The following EHBP1 variants were observed in gnomAD, a reference collection of about 807,000 sequenced individuals.
EHBP1 encodes the protein EH domain binding protein 1, also known as EH domain-binding protein 1.
EHBP1 carries 55 observed loss-of-function variants against 144.0 expected under a neutral mutation model. The ratio of observed to expected loss-of-function variants is 0.38; its 90% CI spans 0.31 to 0.48. The LOEUF (loss-of-function observed/expected upper bound fraction) is 0.48. Ranked by LOEUF, EHBP1 falls within the 20% of genes least tolerant of loss-of-function variation. The pLI is 0.98. For synonymous variants in EHBP1, 469 were observed against 472.7 expected (o/e 0.99, Z 0.10); for missense variants, 1,200 against 1,364.2 (o/e 0.88, Z 1.90).
At chr2:62,744,839 C>A (rs1470981744) in intron 2 of EHBP1, among the ~76,000 whole-genome samples, 2 of 152,006 alleles carry the variant, frequency 1.3e-5, no homozygotes, top group African/African-American at 4.8e-5. Flanking sequence ...GACACACTCT[C>A]ATTGCCATCA....
rs13397638 is a variant in EHBP1, at chr2:62,850,198, C to T, written c.635-8971C>T. On this transcript the variant is annotated intron_variant, in intron 7 of 22. Transcript: ENST00000431489. Reference sequence around the variant, plus strand: ...TCTCTGCCAGAAAGTTGAAGAGTTACTATTTTAGACCATCTTAAAATAAGA... The same window carrying T: ...TCTCTGCCAGAAAGTTGAAGAGTTATTATTTTAGACCATCTTAAAATAAGA... 7.0e-4 allele frequency among the ~76,000 whole-genome samples: 107 copies of T among 152,284 alleles called. No individual in the cohort carries two copies. The Middle Eastern group carries it at 0.01, about 15-fold the overall frequency.
chr2:63,013,644 G>A (rs1360542724), intron 19 of EHBP1, among the ~76,000 whole-genome samples: 1 of 152,162 alleles, frequency 6.6e-6, no homozygotes, highest in East Asian at 1.9e-4. Context: ...AGCTTGCTCT[G>A]ATCTTTACTC....
chr2:62,674,156 C>A (rs958785880), intron 1 of EHBP1: 1 of 470,880 alleles, frequency 2.1e-6, no homozygotes, highest in African/African-American at 2.0e-5. Context: ...TTCTTTGGAT[C>A]TTACTAGCAA....
intron 5 of EHBP1, among the ~76,000 whole-genome samples, chr2:62,790,547 A>G (rs1558674875): frequency 6.6e-6 from 1 of 152,200 alleles, no homozygotes; most frequent in Non-Finnish European, 1.5e-5. Context: ...ATTATGTATT[A>G]TTAAAAGAAA....
chr2:62,808,096 G>A (rs1250595031), intron 5 of EHBP1, among the ~76,000 whole-genome samples: 1 of 151,236 alleles, frequency 6.6e-6, no homozygotes, highest in Non-Finnish European at 1.5e-5. Context: ...ATGCCTAGGT[G>A]TAGGTTTTTT....
chr2:62,844,577 G>A (rs904426869), intron 7 of EHBP1, among the ~76,000 whole-genome samples: 1 of 152,112 alleles, frequency 6.6e-6, no homozygotes, highest in Admixed American at 6.6e-5. Flanking sequence ...CACAGTGCTT[G>A]AGCCAGTATT....
chr2:62,677,550 G>T lies in EHBP1; in HGVS notation c.-296+3467G>T, dbSNP rs555507059. ...AAATGTACAGTTATTTTTTACTATA[G>T]TCACACTGTTATGTTAACAAATACT... On this transcript the variant is annotated intron_variant, in intron 1 of 22. Transcript: ENST00000405015. 2.6e-5 allele frequency among the ~76,000 whole-genome samples: 4 copies of T among 151,822 alleles called. No homozygotes were observed. In the South Asian group the frequency reaches 8.3e-4, roughly 32 times the overall value.
chr2:62,908,355 C>T (rs1574005890), intron 10 of EHBP1, among the ~76,000 whole-genome samples: 2 of 152,110 alleles, frequency 1.3e-5, no homozygotes, highest in East Asian at 3.9e-4. Context: ...TACCCCTAAT[C>T]AGTCTGGCTC....
intron 10 of EHBP1, among the ~76,000 whole-genome samples, chr2:62,876,723 G>C (rs1017732529): frequency 8.5e-5 from 13 of 152,150 alleles, no homozygotes; most frequent in Non-Finnish European, 1.9e-4. Flanking sequence ...CATCTTACAT[G>C]GTGGGAGCAG....
chr2:62,787,704 A>G (rs2042910904), intron 5 of EHBP1, among the ~76,000 whole-genome samples: 1 of 152,200 alleles, frequency 6.6e-6, no homozygotes, highest in African/African-American at 2.4e-5. Flanking sequence ...AGATGAAAAA[A>G]GGAAGAATAA....
At chr2:62,815,558 TTAAAC>T (rs1226938717) in intron 5 of EHBP1, among the ~76,000 whole-genome samples, 3 of 152,220 alleles carry the variant, frequency 2.0e-5, no homozygotes, top group African/African-American at 4.8e-5. Flanking sequence ...TACTTGAGCT[TTAAAC>T]TAAAGTAGCC....
chr2:62,902,543 A>G (rs372813451), intron 10 of EHBP1, among the ~76,000 whole-genome samples: 1 of 152,166 alleles, frequency 6.6e-6, no homozygotes, highest in African/African-American at 2.4e-5. Flanking sequence ...TGCATTTTCA[A>G]AAATATGGAT....
chr2:62,731,194 A>C (rs192564546), intron 2 of EHBP1, among the ~76,000 whole-genome samples: 1 of 151,642 alleles, frequency 6.6e-6, no homozygotes, highest in Admixed American at 6.6e-5. Context: ...TTAAATTCCA[A>C]TTCCAATTGG....
At chr2:62,885,398 A>T (rs907762092) in intron 10 of EHBP1, among the ~76,000 whole-genome samples, 25 of 152,284 alleles carry the variant, frequency 1.6e-4, no homozygotes, top group Middle Eastern at 3.4e-3. Flanking sequence ...CAATATTTTT[A>T]AAAAAACAGC....
intron 14 of EHBP1, among the ~76,000 whole-genome samples, chr2:62,968,952 A>G (rs2058368776): frequency 6.6e-6 from 1 of 152,218 alleles, no homozygotes; most frequent in African/African-American, 2.4e-5. Flanking sequence ...AAGAGCAGCC[A>G]GACAACCAGC....
At chr2:62,860,352 A>AGGCG (rs1416556006) in intron 8 of EHBP1, among the ~76,000 whole-genome samples, 2 of 152,120 alleles carry the variant, frequency 1.3e-5, no homozygotes, top group Admixed American at 1.3e-4. Flanking sequence ...TTAGCTGAGC[A>AGGCG]TGGTGGTGCA....
chr2:63,007,233 A>G (rs1274656119), intron 19 of EHBP1, among the ~76,000 whole-genome samples: 1 of 151,858 alleles, frequency 6.6e-6, no homozygotes, highest in Non-Finnish European at 1.5e-5. Flanking sequence ...TTAGAGTATA[A>G]TACCCTTCTG....
At chr2:62,894,923 A>AGAGAGAGAGAG (rs1558871653) in intron 10 of EHBP1, among the ~76,000 whole-genome samples, 1 of 53,142 alleles carries the variant, frequency 1.9e-5, no homozygotes, top group Non-Finnish European at 3.9e-5. Context: ...CAAAAACAGA[A>AGAGAGAGAGAG]AGAAAGAGAG....
At chr2:63,036,936 A>G (rs2061462335) in intron 19 of EHBP1, among the ~76,000 whole-genome samples, 1 of 151,694 alleles carries the variant, frequency 6.6e-6, no homozygotes, top group Non-Finnish European at 1.5e-5. Flanking sequence ...ATGTTCATTA[A>G]ATTTTTTTTT....
Sources: gnomAD v4.1 joint callset for allele counts (sites outside exome capture counted in the v4.1 genomes callset) on GRCh38, gnomAD v4.1.1 for gene constraint, MANE v1.5 for transcripts, NCBI Gene and HGNC (gene_info 2026-07-23, HGNC 2026-07-21) for gene names.